The following PCDHGA2 variants were observed in gnomAD, a reference collection of about 807,000 sequenced individuals.
PCDHGA2 encodes protocadherin gamma-A2.
In PCDHGA2, 40 loss-of-function variants were observed where a neutral mutation model predicts 59.2. The observed-to-expected ratio is 0.68, with a 90% CI of 0.52 to 0.88. The LOEUF (loss-of-function observed/expected upper bound fraction) is 0.88, where lower values mean the gene tolerates loss of function less well. PCDHGA2 is among the 40% of genes least tolerant of loss of function. The pLI is 0.00. For missense variants in PCDHGA2, 1,226 were observed against 1,204.0 expected (o/e 1.02, Z -0.27); for synonymous variants, 560 against 526.0 (o/e 1.06, Z -0.89).
chr5:141,379,967 T>C (rs1362425240), intron 1 of PCDHGA2, among the ~76,000 whole-genome samples: 1 of 142,578 alleles, frequency 7.0e-6, no homozygotes, highest in Non-Finnish European at 1.5e-5. Context: ...TGGTGTGATC[T>C]CTGCTCACTG....
At chr5:141,409,145 T>G (rs2095231039) in intron 1 of PCDHGA2, 1 of 1,613,884 alleles carries the variant, frequency 6.2e-7, no homozygotes, top group Non-Finnish European at 8.5e-7. Flanking sequence ...TGTAGAAAGG[T>G]ACACCATGGA....
intron 3 of PCDHGA2, chr5:141,508,128 T>C (rs1490298338): frequency 6.6e-6 from 1 of 151,706 alleles, no homozygotes; most frequent in African/African-American, 2.4e-5. Context: ...CAGAGGGAGG[T>C]CAGGGAGCTG....
In PCDHGA2 at chr5:141,489,104, A is replaced by C; in HGVS notation, c.2425-5703A>C. The stretch of plus-strand genomic sequence containing the variant: ...CCACTCGGTGACTAAGAACTGCTGC[A>C]AGCAGGCAAACCTCCGAGCAGTTTT... On this transcript the variant is annotated intron_variant, in intron 1 of 3. Coordinates refer to ENST00000394576, the MANE Select transcript of PCDHGA2 (RefSeq NM_018915.4). The surrounding 1 kb of genome is among the most constrained non-coding windows in gnomAD (Gnocchi z 4.5). 2.5e-6 allele frequency: 1 copy of C among 405,816 alleles called. No individual in the cohort carries two copies. Among genetic ancestry groups the C allele is most frequent in the Non-Finnish European group, 4.3e-6 (1 of 232,372 alleles). 25.1% of individuals were successfully genotyped at this position (405,816 alleles called of 1,614,324 possible). A position where few individuals can be genotyped will look rare whatever the true frequency, so the allele number is the denominator to read the frequency against.
At position 141,490,712 on chromosome 5, in the gene PCDHGA2, A is replaced by T; in HGVS notation, c.2425-4095A>T. The stretch of plus-strand genomic sequence containing the variant: ...ACTGGGGATAATGCCCGCCTCACCT[A>T]CTCCATTGTAGGAAATCAGGTTCAG... On this transcript the variant is annotated intron_variant, in intron 1 of 3. Transcript: ENST00000394576. The surrounding 1 kb of genome is among the most constrained non-coding windows in gnomAD (Gnocchi z 5.4). The T allele has an allele frequency of 6.2e-7, 1 of 1,613,686 alleles. No homozygotes were observed. The highest frequency in any genetic ancestry group is 8.5e-7 in the Non-Finnish European group (1 of 1,179,894).
At position 141,409,225 on chromosome 5, in the gene PCDHGA2, C is replaced by T. The variant is rs781617309; in HGVS notation, c.2424+67830C>T. 59 of 1,613,878 alleles carry T rather than the reference C, an allele frequency of 3.7e-5. 2 individuals carry two copies. The East Asian group carries it at 1.1e-3, about 30-fold the overall frequency. On this transcript the variant is annotated intron_variant, in intron 1 of 3. Coordinates refer to ENST00000394576, the MANE Select transcript of PCDHGA2 (RefSeq NM_018915.4). ...TAATCATAGAAATCCTTGATGAAAA[C>T]GACAACAGCCCAGAAATAATCATCA...
intron 1 of PCDHGA2, chr5:141,428,173 CGGA>C (rs770477048): frequency 1.3e-6 from 2 of 1,514,730 alleles, no homozygotes. Context: ...CTGTGCGTGA[CGGA>C]GGACAGCCGC....
In PCDHGA2 at chr5:141,494,634, T is replaced by C. The variant is rs917243803; in HGVS notation, c.2425-173T>C. The C allele has an allele frequency of 1.1e-5, 10 of 889,216 alleles. No individual in the cohort carries two copies. In the African/African-American group the frequency reaches 1.8e-4, roughly 16 times the overall value. 55.1% of individuals were successfully genotyped at this position (889,216 alleles called of 1,614,324 possible). A position where few individuals can be genotyped will look rare whatever the true frequency, so the allele number is the denominator to read the frequency against. On this transcript the variant is annotated intron_variant, in intron 1 of 3. Coordinates refer to ENST00000394576, the MANE Select transcript of PCDHGA2 (RefSeq NM_018915.4). ...CTTGGTTTCTGGTACCTCAGACCTC[T>C]GAGACCTGAGGTGTATTTTGTCTTT...
rs765249445 is a variant in PCDHGA2, at chr5:141,489,754, C to T, written c.2425-5053C>T. ...CACCAATACTGTGAGCTTTTACACT[C>T]TAAGCCCCAACAGCCACTTCTCTCT... is the stretch of plus-strand genomic sequence containing the variant. On this transcript the variant is annotated intron_variant, in intron 1 of 3. Coordinates refer to ENST00000394576, the MANE Select transcript of PCDHGA2 (RefSeq NM_018915.4). The surrounding 1 kb of genome is among the most constrained non-coding windows in gnomAD (Gnocchi z 4.5). The T allele has an allele frequency of 4.0e-5, 64 of 1,613,992 alleles. No individual in the cohort carries two copies. The South Asian group carries it at 6.8e-4, about 17-fold the overall frequency.
intron 1 of PCDHGA2, chr5:141,433,358 C>CCTATCTATCTATCTATCTATCTAT: frequency 9.9e-6 from 5 of 503,368 alleles, no homozygotes; most frequent in South Asian, 2.6e-5. Flanking sequence ...CTACTGTCTG[C>CCTATCTATCTATCTATCTATCTAT]CTATCTATCT....
chr5:141,414,950 T>C (rs1017858929), intron 1 of PCDHGA2: 2 of 1,613,912 alleles, frequency 1.2e-6, no homozygotes, highest in African/African-American at 2.7e-5. Context: ...GGCTACCTGG[T>C]GACCAAGGTG....
At chr5:141,376,441 G>C in intron 1 of PCDHGA2, 3 of 1,614,206 alleles carry the variant, frequency 1.9e-6, no homozygotes, top group Non-Finnish European at 2.5e-6. Flanking sequence ...AGAGCTATGA[G>C]AAAAGCGAGC....
intron 1 of PCDHGA2, chr5:141,398,187 C>G (rs1329117309): frequency 5.8e-5 from 86 of 1,481,250 alleles, no homozygotes; most frequent in Non-Finnish European, 7.6e-5. Context: ...TCTTTCTCTT[C>G]CTGCTGTCTT....
chr5:141,497,540 C>CA (rs1491509812), intron 2 of PCDHGA2, among the ~76,000 whole-genome samples: 7 of 134,922 alleles, frequency 5.2e-5, no homozygotes, highest in Admixed American at 1.5e-4. Flanking sequence ...TGCAACAAAC[C>CA]TTTTTTTTTT....
intron 1 of PCDHGA2, chr5:141,402,911 C>T: frequency 1.3e-6 from 2 of 1,551,976 alleles, no homozygotes; most frequent in South Asian, 1.2e-5. Context: ...TGAAGCAGCG[C>T]GCACAGAGAT....
chr5:141,404,174 C>A, intron 1 of PCDHGA2: 1 of 1,613,138 alleles, frequency 6.2e-7, no homozygotes, highest in Non-Finnish European at 8.5e-7. Flanking sequence ...GTTGACGGCC[C>A]AAATTCTTGA....
chr5:141,452,252 C>T (rs868364679), intron 1 of PCDHGA2, among the ~76,000 whole-genome samples: 2 of 152,106 alleles, frequency 1.3e-5, no homozygotes, highest in Non-Finnish European at 2.9e-5. Context: ...TTTGCCATAA[C>T]TCTCTCATTT....
intron 1 of PCDHGA2, among the ~76,000 whole-genome samples, chr5:141,444,463 G>T (rs570185430): frequency 6.6e-6 from 1 of 152,144 alleles, no homozygotes; most frequent in Admixed American, 6.5e-5. Flanking sequence ...GAGTCACTGC[G>T]CCCGGTCGCG....
In PCDHGA2 at chr5:141,339,261, C is replaced by T. The variant is rs1297234853; in HGVS notation, c.290C>T (p.Ala97Val). ...ANRIDREELC[A>V]QSAPCLLNFN... ...AGGATAGACCGGGAGGAGCTCTGCG[C>T]TCAGAGCGCACCCTGTCTGTTGAAT... is the stretch of plus-strand genomic sequence containing the variant. The change falls in exon 1 of 4, where the codon GCT (alanine) becomes GTT (valine). Residue 97 changes from alanine to valine, a missense_variant. Transcript: ENST00000394576. The T allele has an allele frequency of 1.2e-6, 2 of 1,614,266 alleles. No homozygotes were observed. Among genetic ancestry groups the T allele is most frequent in the Non-Finnish European group, 1.7e-6 (2 of 1,180,046 alleles).
At chr5:141,355,744 G>A (rs1302771469) in intron 1 of PCDHGA2, 1 of 1,613,960 alleles carries the variant, frequency 6.2e-7, no homozygotes, top group Non-Finnish European at 8.5e-7. Context: ...TTCCCTGGAC[G>A]TGCAAAGTGG....
Sources: gnomAD v4.1 joint callset for allele counts (sites outside exome capture counted in the v4.1 genomes callset) on GRCh38, gnomAD v4.1.1 for gene constraint, Gnocchi (gnomAD v3.1) non-coding constraint, MANE v1.5 for transcripts, NCBI Gene and HGNC (gene_info 2026-07-23, HGNC 2026-07-21) for gene names.